Variants in ZDHHC14 observed in about 807,000 individuals in gnomAD.
The protein encoded by ZDHHC14 is palmitoyltransferase ZDHHC14.
In ZDHHC14, 16 loss-of-function variants were observed where a neutral mutation model predicts 47.7. That is an observed-to-expected ratio of 0.34 (90% CI 0.23 to 0.51). ZDHHC14 has a LOEUF of 0.51. Ranked by LOEUF, ZDHHC14 falls within the 20% of genes least tolerant of loss-of-function variation. The pLI is 0.97. For missense variants in ZDHHC14, 515 were observed against 662.5 expected (o/e 0.78, Z 2.44); for synonymous variants, 293 against 278.9 (o/e 1.05, Z -0.50).
intron 3 of ZDHHC14, among the ~76,000 whole-genome samples, chr6:157,596,010 C>G (rs1261980984): frequency 6.6e-6 from 1 of 152,154 alleles, no homozygotes; most frequent in Non-Finnish European, 1.5e-5. Flanking sequence ...GAGTGGTGCT[C>G]AGGGCCAGCT....
intron 1 of ZDHHC14, among the ~76,000 whole-genome samples, chr6:157,384,344 T>G (rs1286456012): frequency 6.6e-6 from 1 of 152,204 alleles, no homozygotes; most frequent in Middle Eastern, 3.2e-3. Context: ...CATCATAAAT[T>G]CATTTTCGTT....
intron 1 of ZDHHC14, among the ~76,000 whole-genome samples, chr6:157,541,340 T>C (rs969273128): frequency 7.9e-5 from 12 of 152,160 alleles, no homozygotes; most frequent in African/African-American, 2.7e-4. Flanking sequence ...GATCACGGCT[T>C]GTGGCTCTCA....
rs777568494 is a variant in ZDHHC14, at chr6:157,595,174, A to ATTTTTTTTTTTTTTT, written c.565+2050_565+2064dup. ...CCTCTGTTTCTTGTCTCTAGGCTAGATTTTTTTTTTTTTTTTTTTTTTTTT... is the reference window on the plus strand; with the variant it reads ...CCTCTGTTTCTTGTCTCTAGGCTAGATTTTTTTTTTTTTTTTTTTTTTTTTTTTTTTTTTTTTTTT... On this transcript the variant is annotated intron_variant, in intron 3 of 8. Transcript: ENST00000359775. Among the ~76,000 whole-genome samples the ATTTTTTTTTTTTTTT allele has an allele frequency of 1.3e-4, 8 of 62,716 alleles. 1 individual carries two copies. Among genetic ancestry groups the ATTTTTTTTTTTTTTT allele is most frequent in the African/African-American group, 3.7e-4 (5 of 13,538 alleles). 41.1% of individuals were successfully genotyped at this position (62,716 alleles called of 152,430 possible).
At chr6:157,562,290 G>A (rs1358464579) in intron 2 of ZDHHC14, among the ~76,000 whole-genome samples, 1 of 152,184 alleles carries the variant, frequency 6.6e-6, no homozygotes, top group Non-Finnish European at 1.5e-5. Flanking sequence ...TGGGGACCAG[G>A]GATGCCCAAC....
chr6:157,565,629 G>A (rs1465888822), intron 2 of ZDHHC14, among the ~76,000 whole-genome samples: 2 of 152,216 alleles, frequency 1.3e-5, no homozygotes, highest in South Asian at 2.1e-4. Context: ...GACCAGACTG[G>A]CCAACATGGA....
At chr6:157,384,547 G>A (rs1036697085) in intron 1 of ZDHHC14, among the ~76,000 whole-genome samples, 3 of 152,146 alleles carry the variant, frequency 2.0e-5, no homozygotes, top group African/African-American at 7.2e-5. Context: ...GTGTATATGT[G>A]TGTGTGTTTG....
intron 2 of ZDHHC14, among the ~76,000 whole-genome samples, chr6:157,574,272 A>C (rs1357669505): frequency 3.3e-5 from 5 of 152,056 alleles, no homozygotes; most frequent in African/African-American, 9.6e-5. Flanking sequence ...AAAATACAAA[A>C]ATTAGCTGAG....
chr6:157,616,106 C>T (rs1439532682), intron 3 of ZDHHC14, among the ~76,000 whole-genome samples: 1 of 152,164 alleles, frequency 6.6e-6, no homozygotes, highest in South Asian at 2.1e-4. Context: ...ATGTCATTTG[C>T]ACTGGAAGGC....
chr6:157,572,316 G>T (rs974503643), intron 2 of ZDHHC14, among the ~76,000 whole-genome samples: 2 of 152,098 alleles, frequency 1.3e-5, no homozygotes, highest in African/African-American at 4.8e-5. Flanking sequence ...TCCCCCGGGA[G>T]GCAAATCGCC....
intron 1 of ZDHHC14, among the ~76,000 whole-genome samples, chr6:157,504,031 T>C (rs977686218): frequency 8.5e-5 from 13 of 152,172 alleles, no homozygotes; most frequent in African/African-American, 3.1e-4. Context: ...AGATTGTTCA[T>C]GATGATAACT....
At chr6:157,393,236 A>T (rs1777455287) in intron 1 of ZDHHC14, among the ~76,000 whole-genome samples, 1 of 152,164 alleles carries the variant, frequency 6.6e-6, no homozygotes, top group Admixed American at 6.5e-5. Flanking sequence ...CAGTATAATC[A>T]TTTCTGTACA....
At position 157,382,435 on chromosome 6, in the gene ZDHHC14, C is replaced by T. The variant is rs552695989; in HGVS notation, c.245+169C>T. 2.6e-5 allele frequency among the ~76,000 whole-genome samples: 4 copies of T among 152,232 alleles called. No homozygotes were observed. In the East Asian group the frequency reaches 7.8e-4, roughly 30 times the overall value. ...TTTTAAAGGTCTGATTGCTTTTGGG[C>T]CCCCGGAAAGAACGCCGTTCTGGGC... On this transcript the variant is annotated intron_variant, in intron 1 of 8. Transcript: ENST00000359775.
intron 1 of ZDHHC14, among the ~76,000 whole-genome samples, chr6:157,413,969 C>A (rs1400925981): frequency 6.6e-6 from 1 of 152,048 alleles, no homozygotes; most frequent in Non-Finnish European, 1.5e-5. Context: ...CAGAGTCTCA[C>A]TCTGTTGCCC....
At chr6:157,464,045 ATAAAT>A (rs1210963861) in intron 1 of ZDHHC14, among the ~76,000 whole-genome samples, 1 of 152,174 alleles carries the variant, frequency 6.6e-6, no homozygotes, top group South Asian at 2.1e-4. Flanking sequence ...ATAAAATAAA[ATAAAT>A]TAACACTAAT....
intron 7 of ZDHHC14, among the ~76,000 whole-genome samples, chr6:157,651,293 G>T (rs899407186): frequency 6.6e-6 from 1 of 152,236 alleles, no homozygotes; most frequent in Non-Finnish European, 1.5e-5. Context: ...CACGTTCCTT[G>T]GCTGGCATAT....
intron 2 of ZDHHC14, among the ~76,000 whole-genome samples, chr6:157,548,939 C>T (rs1378517924): frequency 1.3e-5 from 2 of 152,214 alleles, no homozygotes; most frequent in East Asian, 1.9e-4. Context: ...GTTGATGAAG[C>T]GTCTCTCCCC....
At chr6:157,519,919 G>A (rs375565303) in intron 1 of ZDHHC14, among the ~76,000 whole-genome samples, 11 of 152,210 alleles carry the variant, frequency 7.2e-5, no homozygotes, top group African/African-American at 2.4e-4. Context: ...AGTGCAGGGC[G>A]AAGTGAAGTG....
At chr6:157,579,035 ATTGCC>A (rs1354910085) in intron 2 of ZDHHC14, among the ~76,000 whole-genome samples, 1 of 152,054 alleles carries the variant, frequency 6.6e-6, no homozygotes, top group Admixed American at 6.6e-5. Context: ...TTTGCTTAGG[ATTGCC>A]TTGGCTATTC....
intron 2 of ZDHHC14, among the ~76,000 whole-genome samples, chr6:157,563,939 G>C (rs2114845573): frequency 6.6e-6 from 1 of 152,330 alleles, no homozygotes; most frequent in South Asian, 2.1e-4. Context: ...ATTCTGAGTG[G>C]CTCCCTAAGG....
Sources: gnomAD v4.1 joint callset for allele counts (sites outside exome capture counted in the v4.1 genomes callset) on GRCh38, gnomAD v4.1.1 for gene constraint, MANE v1.5 for transcripts, NCBI Gene and HGNC (gene_info 2026-07-23, HGNC 2026-07-21) for gene names.